The following CORO1C variants were observed in gnomAD, a reference collection of about 807,000 sequenced individuals.
The protein encoded by CORO1C is coronin 1C, also known as coronin-1C.
CORO1C carries 14 observed loss-of-function variants against 51.2 expected under a neutral mutation model. The observed-to-expected ratio is 0.27, with a 90% CI of 0.18 to 0.43. The LOEUF is 0.43. Among genes scored for constraint, CORO1C ranks in the 20% least tolerant of loss-of-function variants. The probability of loss-of-function intolerance (pLI) is 1.00; values close to 1 mark genes in which losing one functional copy is unlikely to be tolerated. For synonymous variants in CORO1C, 181 were observed against 210.5 expected, an observed-to-expected ratio of 0.86 and a Z score of 1.21; for missense variants, 417 against 607.8, an observed-to-expected ratio of 0.69 and a Z score of 3.30.
rs181453025 is a variant in CORO1C at position 108,731,226 on chromosome 12, C to G, written c.-6+203G>C. 7.8e-4 allele frequency: 119 copies of G among 153,186 alleles called. No homozygotes were observed. The highest frequency in any genetic ancestry group is 1.5e-3 in the Non-Finnish European group (104 of 68,662). 9.5% of individuals were successfully genotyped at this position (153,186 alleles called of 1,614,324 possible). A position where few individuals can be genotyped will look rare whatever the true frequency, so the allele number is the denominator to read the frequency against. On this transcript the variant is annotated intron_variant, in intron 1 of 10. Coordinates refer to ENST00000261401, the MANE Select transcript of CORO1C (RefSeq NM_014325.4). The surrounding 1 kb of genome is among the most constrained non-coding windows in gnomAD (Gnocchi z 5.2). The stretch of plus-strand genomic sequence containing the variant: ...GTCCCCAACTCCCTTTCCCCGAGCC[C>G]CCGACAGCAGCCCCCGGCCCTAACC...
chr12:108,678,368 A>G lies in CORO1C; in HGVS notation c.222T>C (p.Pro74=). The change falls in exon 3 of 11, where the codon CCT becomes CCC. Residue 74 remains proline, a synonymous_variant. Transcript: ENST00000261401. ...CTGGTCCTGTGTGGCCACATACTGT[A>G]GGGTAAGATTTGTCAATTCGACCAG... ...HKTGRIDKSY[P]TVCGHTGPVL... is the part of the protein sequence containing the mutation. 1 of 1,596,980 alleles carries G rather than the reference A, an allele frequency of 6.3e-7. No homozygotes were observed. Among genetic ancestry groups the G allele is most frequent in the Non-Finnish European group, 8.5e-7 (1 of 1,172,080 alleles).
intron 1 of CORO1C, among the ~76,000 whole-genome samples, chr12:108,719,201 T>G (rs2035414426): frequency 6.6e-6 from 1 of 152,178 alleles, no homozygotes; most frequent in Non-Finnish European, 1.5e-5. Context: ...TATCTATTCC[T>G]TATGAAAGTA....
At chr12:108,679,259 A>C (rs559224799) in intron 2 of CORO1C, among the ~76,000 whole-genome samples, 2 of 151,924 alleles carry the variant, frequency 1.3e-5, no homozygotes, top group South Asian at 4.2e-4. Flanking sequence ...TGCTATCCTC[A>C]ATCAACAGAA....
At chr12:108,660,391 C>A (rs533681797) in intron 4 of CORO1C, among the ~76,000 whole-genome samples, 17 of 133,812 alleles carry the variant, frequency 1.3e-4, no homozygotes, top group Non-Finnish European at 1.2e-4. Flanking sequence ...GCGGAGGTTG[C>A]GGTGAGCTGA....
intron 8 of CORO1C, among the ~76,000 whole-genome samples, chr12:108,650,557 T>C (rs2032601219): frequency 6.6e-6 from 1 of 152,216 alleles, no homozygotes; most frequent in South Asian, 2.1e-4. Context: ...TGGCTTTGAC[T>C]TCCAGCTCTA....
At chr12:108,701,041 C>A (rs2034851545) in intron 2 of CORO1C, 83 bp downstream of exon 2, 2 of 1,433,188 alleles carry the variant, frequency 1.4e-6, no homozygotes, top group Non-Finnish European at 2.0e-6. Context: ...AAATACAATT[C>A]TTAGTGAACT....
intron 2 of CORO1C, among the ~76,000 whole-genome samples, chr12:108,681,808 A>G (rs771772469): frequency 9.9e-5 from 15 of 152,198 alleles, no homozygotes; most frequent in African/African-American, 2.4e-4. Context: ...ATAGCAAAAC[A>G]ACAGTGAGCA....
chr12:108,675,126 A>G (rs556909598), intron 3 of CORO1C, among the ~76,000 whole-genome samples: 1 of 152,284 alleles, frequency 6.6e-6, no homozygotes, highest in South Asian at 2.1e-4. Context: ...ACTGAGGGGA[A>G]ACCCTCCACA....
At chr12:108,671,257 G>A (rs1050867253) in intron 3 of CORO1C, among the ~76,000 whole-genome samples, 43 of 151,988 alleles carry the variant, frequency 2.8e-4, no homozygotes, top group Middle Eastern at 6.8e-3. Context: ...GATTGCTTGG[G>A]CCCAGGAGGT....
At chr12:108,705,387 G>A (rs2034996206) in intron 1 of CORO1C, among the ~76,000 whole-genome samples, 1 of 149,716 alleles carries the variant, frequency 6.7e-6, no homozygotes, top group African/African-American at 2.5e-5. Context: ...TTGAACCTGG[G>A]AGGCAGAGGT....
intron 3 of CORO1C, among the ~76,000 whole-genome samples, chr12:108,672,657 G>C (rs540605961): frequency 1.4e-5 from 2 of 143,892 alleles, no homozygotes; most frequent in South Asian, 4.4e-4. Context: ...TTTTTGTTTT[G>C]TTTTTTTTTT....
intron 3 of CORO1C, among the ~76,000 whole-genome samples, chr12:108,663,983 T>C (rs1299699754): frequency 6.6e-6 from 1 of 152,182 alleles, no homozygotes. Flanking sequence ...GACTTTATGT[T>C]TAACAATGAA....
At chr12:108,693,054 T>G (rs1235032183) in intron 2 of CORO1C, among the ~76,000 whole-genome samples, 1 of 151,952 alleles carries the variant, frequency 6.6e-6, no homozygotes, top group East Asian at 1.9e-4. Flanking sequence ...TGCCTCGGCC[T>G]CCCAAAGCGC....
At chr12:108,683,155 C>A (rs1243490040) in intron 2 of CORO1C, among the ~76,000 whole-genome samples, 2 of 152,280 alleles carry the variant, frequency 1.3e-5, no homozygotes, top group Non-Finnish European at 2.9e-5. Flanking sequence ...TACAGTGGCT[C>A]ATGCCTGTAA....
chr12:108,656,858 G>C (rs546568498), intron 6 of CORO1C, among the ~76,000 whole-genome samples: 4 of 152,112 alleles, frequency 2.6e-5, no homozygotes, highest in Admixed American at 2.6e-4. Context: ...CAGCATGCTC[G>C]TTAAGAGTCA....
chr12:108,713,551 A>T (rs1039257677), intron 1 of CORO1C, among the ~76,000 whole-genome samples: 1 of 152,238 alleles, frequency 6.6e-6, no homozygotes, highest in Non-Finnish European at 1.5e-5. Flanking sequence ...ATAAAGAGAA[A>T]ATGCAAATAA....
At chr12:108,649,107 T>A in intron 8 of CORO1C, 87 bp from the exon 9 acceptor site, 1 of 1,480,064 alleles carries the variant, frequency 6.8e-7, no homozygotes, top group Non-Finnish European at 9.4e-7. Flanking sequence ...TACAATGCTG[T>A]CTGAAATGTC....
chr12:108,647,548 T>G, intron 10 of CORO1C, 26 bp from the exon 11 acceptor site: 1 of 1,551,646 alleles, frequency 6.4e-7, no homozygotes, highest in Non-Finnish European at 8.9e-7. Flanking sequence ...AAGGAGGCAG[T>G]GATTAAAATG....
chr12:108,652,843 G>A (rs1357911142), intron 7 of CORO1C, among the ~76,000 whole-genome samples: 1 of 27,736 alleles, frequency 3.6e-5, no homozygotes, highest in Non-Finnish European at 6.0e-5. Context: ...ACGCAATGCT[G>A]TTATGCCAGT....
Sources: allele counts gnomAD v4.1 joint callset (sites outside exome capture counted in the v4.1 genomes callset), GRCh38; gene constraint gnomAD v4.1.1; non-coding constraint Gnocchi (gnomAD v3.1); transcripts MANE v1.5; gene names NCBI Gene and HGNC (gene_info 2026-07-23, HGNC 2026-07-21).